RIMS2: variants seen among roughly 807,000 people sequenced by gnomAD.
The protein encoded by RIMS2 is regulating synaptic membrane exocytosis 2.
A neutral mutation model predicts 174.4 loss-of-function variants in RIMS2; 59 were observed. The ratio of observed to expected loss-of-function variants is 0.34; its 90% CI spans 0.27 to 0.42. The LOEUF is 0.42. Among genes scored for constraint, RIMS2 ranks in the 10% least tolerant of loss-of-function variants. RIMS2 has a pLI of 1.00. For missense variants in RIMS2, 1,620 were observed against 1,666.3 expected, an observed-to-expected ratio of 0.97 and a Z score of 0.48; for synonymous variants, 606 against 572.5, an observed-to-expected ratio of 1.06 and a Z score of -0.84.
chr8:104,113,727 T>G (rs2098234211), intron 19 of RIMS2, among the ~76,000 whole-genome samples: 1 of 151,204 alleles, frequency 6.6e-6, no homozygotes, highest in South Asian at 2.1e-4. Context: ...TAGTTCTACT[T>G]TTATTAGTAT....
intron 1 of RIMS2, among the ~76,000 whole-genome samples, chr8:103,610,587 A>G (rs2095334111): frequency 6.6e-6 from 1 of 152,190 alleles, no homozygotes; most frequent in South Asian, 2.1e-4. Flanking sequence ...TATTGCGATA[A>G]TGATGTGCTT....
intron 1 of RIMS2, among the ~76,000 whole-genome samples, chr8:103,690,709 A>T (rs905263938): frequency 7.2e-5 from 11 of 152,130 alleles, no homozygotes; most frequent in African/African-American, 2.2e-4. Context: ...TCATCTTTTA[A>T]TCTTTCTATT....
intron 2 of RIMS2, among the ~76,000 whole-genome samples, chr8:103,725,354 C>T (rs1412962837): frequency 6.6e-6 from 1 of 152,116 alleles, no homozygotes; most frequent in Non-Finnish European, 1.5e-5. Flanking sequence ...TTTCCATCAT[C>T]CTAGGAAGTT....
At chr8:103,581,488 G>A (rs34333071) in intron 1 of RIMS2, among the ~76,000 whole-genome samples, 26,755 of 151,992 alleles carry the variant, frequency 0.18, 2,558 homozygotes, top group African/African-American at 0.23. Flanking sequence ...AATAATAAAG[G>A]CCATATGTGA....
At chr8:104,149,070 G>A (rs944608517) in intron 19 of RIMS2, among the ~76,000 whole-genome samples, 2 of 152,192 alleles carry the variant, frequency 1.3e-5, no homozygotes, top group Non-Finnish European at 2.9e-5. Context: ...TTCTTAAAAT[G>A]TAGATAATGT....
chr8:104,204,961 C>T (rs2099072929), intron 19 of RIMS2, among the ~76,000 whole-genome samples: 1 of 152,132 alleles, frequency 6.6e-6, no homozygotes, highest in Admixed American at 6.5e-5. Context: ...ATTACCAATA[C>T]TTTAGGAGCA....
intron 19 of RIMS2, among the ~76,000 whole-genome samples, chr8:104,156,822 A>G (rs2098727124): frequency 6.6e-6 from 1 of 152,100 alleles, no homozygotes; most frequent in Non-Finnish European, 1.5e-5. Context: ...CCTAATGCTT[A>G]TTTTTTTGAA....
chr8:103,729,055 T>G (rs2097560614), intron 2 of RIMS2, among the ~76,000 whole-genome samples: 1 of 152,096 alleles, frequency 6.6e-6, no homozygotes, highest in Non-Finnish European at 1.5e-5. Context: ...CACTGTGTCT[T>G]TGTCTGATTT....
intron 19 of RIMS2, among the ~76,000 whole-genome samples, chr8:104,096,363 T>G (rs2097762930): frequency 6.6e-6 from 1 of 152,194 alleles, no homozygotes; most frequent in African/African-American, 2.4e-5. Flanking sequence ...AAATAGTACT[T>G]GCTTCATTAT....
intron 2 of RIMS2, among the ~76,000 whole-genome samples, chr8:103,754,426 C>T (rs1406980155): frequency 6.6e-6 from 1 of 152,144 alleles, no homozygotes; most frequent in East Asian, 1.9e-4. Flanking sequence ...GTGGAGACTT[C>T]TGTAGATGTC....
At chr8:103,983,164 A>T (rs1160289276) in intron 16 of RIMS2, among the ~76,000 whole-genome samples, 2 of 152,206 alleles carry the variant, frequency 1.3e-5, no homozygotes, top group Admixed American at 1.3e-4. Context: ...AATAAAATTA[A>T]ATACCTAGAA....
intron 1 of RIMS2, among the ~76,000 whole-genome samples, chr8:103,528,220 C>T (rs1196358891): frequency 6.6e-6 from 1 of 151,500 alleles, no homozygotes; most frequent in Non-Finnish European, 1.5e-5. Flanking sequence ...TGTTCTTTGC[C>T]CACTTTTCAA....
intron 19 of RIMS2, among the ~76,000 whole-genome samples, chr8:104,241,073 G>T (rs1226397874): frequency 6.6e-6 from 1 of 152,084 alleles, no homozygotes; most frequent in African/African-American, 2.4e-5. Context: ...TGATCCCAGG[G>T]CCTGACTCCT....
At chr8:103,549,960 T>C (rs1197376814) in intron 1 of RIMS2, among the ~76,000 whole-genome samples, 1 of 152,168 alleles carries the variant, frequency 6.6e-6, no homozygotes, top group Non-Finnish European at 1.5e-5. Context: ...ATAAAGCAAG[T>C]TCTTAGAGAC....
At chr8:103,701,805 T>A (rs2097171148) in intron 2 of RIMS2, among the ~76,000 whole-genome samples, 1 of 152,154 alleles carries the variant, frequency 6.6e-6, no homozygotes, top group African/African-American at 2.4e-5. Flanking sequence ...ATTGTGTATA[T>A]ATACAACATT....
At chr8:103,626,413 GTAA>G (rs979773594) in intron 1 of RIMS2, among the ~76,000 whole-genome samples, 10 of 152,192 alleles carry the variant, frequency 6.6e-5, no homozygotes, top group Non-Finnish European at 1.0e-4. Flanking sequence ...AAAGAAAAAT[GTAA>G]TAATAATAAT....
intron 1 of RIMS2, among the ~76,000 whole-genome samples, chr8:103,691,474 T>G (rs1447504464): frequency 6.6e-6 from 1 of 152,214 alleles, no homozygotes; most frequent in African/African-American, 2.4e-5. Context: ...AAGAGACTCA[T>G]GCATTCTTCA....
At chr8:103,839,507 A>G (rs2098927022) in intron 3 of RIMS2, among the ~76,000 whole-genome samples, 1 of 152,038 alleles carries the variant, frequency 6.6e-6, no homozygotes. Context: ...TCTTACTCTT[A>G]ATGCATGGCC....
chr8:103,550,737 A>G (rs1847397774), intron 1 of RIMS2, among the ~76,000 whole-genome samples: 1 of 152,204 alleles, frequency 6.6e-6, no homozygotes. Context: ...AAAAGAGAGA[A>G]GTATCAAATA....
Sources: allele counts gnomAD v4.1 joint callset (sites outside exome capture counted in the v4.1 genomes callset), GRCh38; gene constraint gnomAD v4.1.1; transcripts MANE v1.5; gene names NCBI Gene and HGNC (gene_info 2026-07-23, HGNC 2026-07-21).